The following UBA7 variants were observed in gnomAD, a reference collection of about 807,000 sequenced individuals.
UBA7 encodes ubiquitin like modifier activating enzyme 7.
Under a neutral mutation model 113.0 loss-of-function variants are expected in UBA7, and 88 were observed. The observed-to-expected ratio is 0.78, with a 90% CI of 0.66 to 0.93. The LOEUF (loss-of-function observed/expected upper bound fraction) is 0.93. UBA7 is among the 40% of genes least tolerant of loss of function. The pLI is 0.00. For missense variants in UBA7, 1,092 were observed against 1,266.4 expected (o/e 0.86, Z 2.09); for synonymous variants, 459 against 513.0 (o/e 0.89, Z 1.42).
rs745569439 is a variant in UBA7, at chr3:49,811,230, T to C, written c.1122+43A>G. 13 of 1,611,428 alleles carry C rather than the reference T, an allele frequency of 8.1e-6. No homozygotes were observed. Among genetic ancestry groups the C allele is most frequent in the Non-Finnish European group, 1.1e-5 (13 of 1,178,628 alleles). ...GTGCCCTCTGACACACACACTGATCTCCACATCTTCCCAGTACCCCCCACA... is the reference window on the plus strand; with the variant it reads ...GTGCCCTCTGACACACACACTGATCCCCACATCTTCCCAGTACCCCCCACA... On this transcript the variant is annotated intron_variant, in intron 9 of 23. Transcript: ENST00000333486.
At position 49,812,071 on chromosome 3, in the gene UBA7, C is replaced by T. The variant is rs766897756; in HGVS notation, c.792+38G>A. ...CCAGAATGCTATGGGCCCCTCAAGGCGACCAAGCTCCCCTACCTCAGATGC... is the reference window on the plus strand; with the variant it reads ...CCAGAATGCTATGGGCCCCTCAAGGTGACCAAGCTCCCCTACCTCAGATGC... On this transcript the variant is annotated intron_variant, in intron 7 of 23. Coordinates refer to ENST00000333486, the MANE Select transcript of UBA7 (RefSeq NM_003335.3). The T allele has an allele frequency of 4.6e-5, 74 of 1,614,166 alleles. No individual in the cohort carries two copies. In the East Asian group the frequency reaches 1.1e-3, roughly 23 times the overall value.
rs1227415583 is a variant in UBA7, at chr3:49,810,166, G to A, written c.1651C>T (p.Arg551Cys). 3 of 1,613,088 alleles carry A rather than the reference G, an allele frequency of 1.9e-6. No individual in the cohort carries two copies. Among genetic ancestry groups the A allele is most frequent in the South Asian group, 2.2e-5 (2 of 91,066 alleles). The part of the protein sequence containing the change: ...SFQARRYVAA[R>C]CTHYLKPLLE... ...AGTGGCTTCAGATAGTGGGTGCAAC[G>A]AGCAGCCACATAGCGCCCTGGCAAG... The change falls in exon 14 of 24, where the codon CGT (arginine) becomes TGT (cysteine). Residue 551 changes from arginine to cysteine, a missense_variant. Physicochemically the swap from Arg to Cys is radical, Grantham distance 180 (BLOSUM62 -3). Coordinates refer to ENST00000333486, the MANE Select transcript of UBA7 (RefSeq NM_003335.3). The surrounding 1 kb of genome is among the most constrained non-coding windows in gnomAD (Gnocchi z 5.6).
chr3:49,806,037 G>A, intron 22 of UBA7, 36 bp downstream of exon 22: 1 of 1,573,230 alleles, frequency 6.4e-7, no homozygotes, highest in Non-Finnish European at 8.6e-7. Context: ...GCCGGGCTGG[G>A]CTGAGCCTGG....
chr3:49,807,950 T>G lies in UBA7; in HGVS notation c.2524-23A>C, dbSNP rs1198216980. The G allele has an allele frequency of 6.2e-7, 1 of 1,613,382 alleles. No individual in the cohort carries two copies. On this transcript the variant is annotated intron_variant, in intron 20 of 23. Coordinates refer to ENST00000333486, the MANE Select transcript of UBA7 (RefSeq NM_003335.3). The surrounding 1 kb of genome is among the most constrained non-coding windows in gnomAD (Gnocchi z 4.0). ...GCTCTGCCAAGGACAAGAGATTTGG[T>G]CTGGGCCCAAGGCGTAGGGCCAGGG...
rs1322603418 is a variant in UBA7 at position 49,813,601 on chromosome 3, C to T, written c.103G>A (p.Val35Ile). ...PAMQRIQGAR[V>I]LVSGLQGLGA... ...AGGCCCTGCAGGCCTGACACCAGGACCCTGGCTCCCTGAATCCTCTGCATG... is the reference window on the plus strand; with the variant it reads ...AGGCCCTGCAGGCCTGACACCAGGATCCTGGCTCCCTGAATCCTCTGCATG... The change falls in exon 2 of 24, where the codon GTC becomes ATC. Residue 35 changes from valine to isoleucine, a missense_variant. Coordinates refer to ENST00000333486, the MANE Select transcript of UBA7 (RefSeq NM_003335.3). The T allele has an allele frequency of 3.7e-6, 6 of 1,614,222 alleles. No individual in the cohort carries two copies. The highest frequency in any genetic ancestry group is 2.2e-5 in the East Asian group (1 of 44,890).
At position 49,813,512 on chromosome 3, in the gene UBA7, G is replaced by T. The variant is rs766700421; in HGVS notation, c.192C>A (p.Pro64=). 3 of 1,613,846 alleles carry T rather than the reference G, an allele frequency of 1.9e-6. No individual in the cohort carries two copies. In the African/African-American group the frequency reaches 4.0e-5, roughly 22 times the overall value. Residue 64 remains proline, a synonymous_variant, in exon 2 of 24, where the codon CCC becomes CCA. Transcript: ENST00000333486. The part of the protein sequence containing the change: ...MGVGSLTLHD[P]HPTCWSDLAA... ...CCAGGTCGGACCAGCAGGTGGGGTGGGGATCATGCAGAGTGAGGCTGCCCA... is the reference window on the plus strand; with the variant it reads ...CCAGGTCGGACCAGCAGGTGGGGTGTGGATCATGCAGAGTGAGGCTGCCCA...
At position 49,807,606 on chromosome 3, in the gene UBA7, G is replaced by A. The variant is rs2081474193; in HGVS notation, c.2715+130C>T. 26 of 1,215,778 alleles carry A rather than the reference G, an allele frequency of 2.1e-5. No homozygotes were observed. The South Asian group carries it at 4.0e-4, about 19-fold the overall frequency. The allele number at this position is 1,215,778 out of a possible 1,614,324, so 75.3% of individuals were successfully genotyped here. A position where few individuals can be genotyped will look rare whatever the true frequency, so the allele number is the denominator to read the frequency against. On this transcript the variant is annotated intron_variant, in intron 21 of 23. Transcript: ENST00000333486. This position sits in a 1 kb window ranked among gnomAD's most constrained non-coding sequence, Gnocchi z 4.0. ...TGGCTTCATAGCAGGAAGAGGGCTGGAGGGAGTCTTCAGGACTTCTGCACA... is the reference window on the plus strand; with the variant it reads ...TGGCTTCATAGCAGGAAGAGGGCTGAAGGGAGTCTTCAGGACTTCTGCACA...
Position 49,810,107 on chromosome 3 carries a change from A to G in UBA7, c.1710T>C (p.Ser570=). 1.2e-6 allele frequency: 2 copies of G among 1,612,924 alleles called. No homozygotes were observed. Among genetic ancestry groups the G allele is most frequent in the Non-Finnish European group, 1.7e-6 (2 of 1,180,000 alleles). The change falls in exon 14 of 24, where the codon AGT becomes AGC. Residue 570 remains serine (S), a synonymous_variant. Transcript: ENST00000333486. This position sits in a 1 kb window ranked among gnomAD's most constrained non-coding sequence, Gnocchi z 5.6. ...LEAGTSGTWG[S]ATVFMPHVTE... The stretch of plus-strand genomic sequence containing the variant: ...TCACATGTGGCATGAATACTGTAGC[A>G]CTGCCCCAGGTGCCCGATGTGCCTG...
At position 49,812,668 on chromosome 3, in the gene UBA7, C is replaced by A. The variant is rs769314248; in HGVS notation, c.538G>T (p.Ala180Ser). ...DPTEAEPLTAAIQHISQGSPG... is the reference protein window; with the variant it reads ...DPTEAEPLTASIQHISQGSPG... ...CCCACCTGGGAGATGTGCTGGATGGCAGCTGTCAGGGGTTCTGCCTCTGTG... is the reference window on the plus strand; with the variant it reads ...CCCACCTGGGAGATGTGCTGGATGGAAGCTGTCAGGGGTTCTGCCTCTGTG... Residue 180 changes from alanine (A) to serine (S), a missense_variant, in exon 5 of 24, where the codon GCC (alanine) becomes TCC (serine). By Grantham distance (99) the Ala-to-Ser change is moderately conservative. Coordinates refer to ENST00000333486, the MANE Select transcript of UBA7 (RefSeq NM_003335.3). 2.8e-5 allele frequency: 45 copies of A among 1,614,064 alleles called. No homozygotes were observed. Among genetic ancestry groups the A allele is most frequent in the Non-Finnish European group, 3.8e-5 (45 of 1,180,040 alleles).
At position 49,811,146 on chromosome 3, in the gene UBA7, TC is replaced by T. The variant is rs963576646; in HGVS notation, c.1123-56del. ...CTGCCACCTCCTGACCCCCCTCAGA[TC>T]CTGGCTGGAGGCTTCACCCAGGTTG... On this transcript the variant is annotated intron_variant, in intron 9 of 23. Coordinates refer to ENST00000333486, the MANE Select transcript of UBA7 (RefSeq NM_003335.3). The T allele has an allele frequency of 2.5e-6, 4 of 1,606,736 alleles. No homozygotes were observed. The African/African-American group carries it at 5.3e-5, about 21-fold the overall frequency.
rs777322364 is a variant in UBA7 at position 49,810,986 on chromosome 3, G to A, written c.1228C>T (p.Leu410=). The A allele has an allele frequency of 1.2e-6, 2 of 1,614,032 alleles. No homozygotes were observed. The highest frequency in any genetic ancestry group is 2.2e-5 in the South Asian group (2 of 91,064). ...GCACCCCTATCCCAGGCTCTCACCA[G>A]GGCACAGTCCTCAGGACTGGGAAGG... ...ELLPSPEDCA[L]RGSRYDGQIA... The change falls in exon 10 of 24, where the codon CTG becomes TTG. Residue 410 remains leucine (L), a splice_region_variant and synonymous_variant. Transcript: ENST00000333486. The surrounding 1 kb of genome is among the most constrained non-coding windows in gnomAD (Gnocchi z 5.6).
At position 49,809,680 on chromosome 3, in the gene UBA7, GGTGA is replaced by G; in HGVS notation, c.1946_1949del (p.Leu649ProfsTer3). On this transcript the variant is annotated frameshift_variant, in exon 16 of 24. Transcript: ENST00000333486. LOFTEE classifies it high-confidence loss of function. ...GGACCCCAAGCACTGGCTTCAGTAAGGTGAGTGTCTGTGGCTCATCCATGTCTGC... is the reference window on the plus strand; with the variant it reads ...GGACCCCAAGCACTGGCTTCAGTAAGGTGTCTGTGGCTCATCCATGTCTGC... The G allele has an allele frequency of 6.2e-7, 1 of 1,614,140 alleles. No homozygotes were observed. The highest frequency in any genetic ancestry group is 8.5e-7 in the Non-Finnish European group (1 of 1,180,034).
At chr3:49,812,321 A>G in intron 6 of UBA7, 87 bp downstream of exon 6, 5 of 1,610,590 alleles carry the variant, frequency 3.1e-6, no homozygotes, top group Non-Finnish European at 3.4e-6. Context: ...AGGTGGAGGG[A>G]GAAAAACCCA....
At chr3:49,812,835 G>T in intron 4 of UBA7, 97 bp from the exon 5 acceptor site, 1 of 1,398,580 alleles carries the variant, frequency 7.2e-7, no homozygotes, top group Non-Finnish European at 1.0e-6. Flanking sequence ...ATTGGGAAAG[G>T]AATGCAAGGA....
rs759841744 is a variant in UBA7 at position 49,809,981 on chromosome 3, C to T, written c.1836G>A (p.Leu612=). 34 of 1,613,656 alleles carry T rather than the reference C, an allele frequency of 2.1e-5. No homozygotes were observed. The highest frequency in any genetic ancestry group is 2.9e-5 in the Non-Finnish European group (34 of 1,179,874). ...RYFPSTAEHT[L]QWARHEFEEL... ...GAGTCTCCAGGGTGCTTCCTACCTGCAGGGTGTGCTCGGCTGTGCTAGGGA... is the reference window on the plus strand; with the variant it reads ...GAGTCTCCAGGGTGCTTCCTACCTGTAGGGTGTGCTCGGCTGTGCTAGGGA... Residue 612 remains leucine (L), a synonymous_variant, in exon 14 of 24, where the codon CTG becomes CTA. Transcript: ENST00000333486.
At position 49,807,381 on chromosome 3, in the gene UBA7, G is replaced by A. The variant is rs1297369330; in HGVS notation, c.2715+355C>T. 2.6e-5 allele frequency among the ~76,000 whole-genome samples: 4 copies of A among 152,204 alleles called. No individual in the cohort carries two copies. The highest frequency in any genetic ancestry group is 5.9e-5 in the Non-Finnish European group (4 of 68,028). ...GGGCCCCCGTACCATGCAGGGGGAA[G>A]CTAGACTCTTTCTGGGGCTGATGCC... On this transcript the variant is annotated intron_variant, in intron 21 of 23. Transcript: ENST00000333486. The surrounding 1 kb of genome is among the most constrained non-coding windows in gnomAD (Gnocchi z 4.0).
intron 18 of UBA7, among the ~76,000 whole-genome samples, chr3:49,808,689 A>G (rs1045688619): frequency 1.3e-5 from 2 of 152,220 alleles, no homozygotes; most frequent in African/African-American, 2.4e-5. Flanking sequence ...CCTGCAGGCC[A>G]TAGCTAGACA....
chr3:49,810,278 C>T lies in UBA7; in HGVS notation c.1618G>A (p.Asp540Asn). The T allele has an allele frequency of 1.9e-6, 3 of 1,613,888 alleles. No homozygotes were observed. The highest frequency in any genetic ancestry group is 2.5e-6 in the Non-Finnish European group (3 of 1,179,980). ...AAGCACTCACGGGCCTGGAAACTGTCCAGGGCAGCAGCCACACCATCCACA... is the reference window on the plus strand; with the variant it reads ...AAGCACTCACGGGCCTGGAAACTGTTCAGGGCAGCAGCCACACCATCCACA... ...SRVDGVAAAL[D>N]SFQARRYVAA... The change falls in exon 13 of 24, where the codon GAC becomes AAC. Residue 540 changes from aspartate (D) to asparagine (N), a missense_variant. Transcript: ENST00000333486. This position sits in a 1 kb window ranked among gnomAD's most constrained non-coding sequence, Gnocchi z 5.6.
rs2081544029 is a variant in UBA7, at chr3:49,811,389, G to C, written c.1006C>G (p.Pro336Ala). The C allele has an allele frequency of 2.5e-6, 4 of 1,613,040 alleles. No homozygotes were observed. The African/African-American group carries it at 5.3e-5, about 22-fold the overall frequency. The change falls in exon 9 of 24, where the codon CCA becomes GCA. Residue 336 changes from proline (P) to alanine (A), a missense_variant. This residue lies in a region of UBA7 where 584 missense variants were observed against 714.5 expected (regional missense o/e 0.82). Transcript: ENST00000333486. ...GCCTCATCCAGTGGCTCTTCCAGTGGCTCTTCCTCTGTCCGCTTCAGTGGT... is the reference window on the plus strand; with the variant it reads ...GCCTCATCCAGTGGCTCTTCCAGTGCCTCTTCCTCTGTCCGCTTCAGTGGT... ...LEPLKRTEEEPLEEPLDEALV... is the reference protein window; with the variant it reads ...LEPLKRTEEEALEEPLDEALV...
Sources: allele counts gnomAD v4.1 joint callset (sites outside exome capture counted in the v4.1 genomes callset), GRCh38; gene constraint gnomAD v4.1.1; regional missense constraint gnomAD v4.1.1; non-coding constraint Gnocchi (gnomAD v3.1); transcripts MANE v1.5; gene names NCBI Gene and HGNC (gene_info 2026-07-23, HGNC 2026-07-21).